Variants in EHMT1 observed in about 807,000 individuals in gnomAD.
The protein encoded by EHMT1 is euchromatic histone lysine methyltransferase 1.
In EHMT1, 15 loss-of-function variants were observed where a neutral mutation model predicts 147.2. That is an observed-to-expected ratio of 0.10 (90% confidence interval 0.07 to 0.16). The LOEUF is 0.16. Ranked by LOEUF, EHMT1 falls within the 10% of genes least tolerant of loss-of-function variation. The pLI is 1.00. For synonymous variants in EHMT1, 795 were observed against 709.6 expected, an observed-to-expected ratio of 1.12 and a Z score of -1.91; for missense variants, 1,587 against 1,772.4, an observed-to-expected ratio of 0.90 and a Z score of 1.88.
At chr9:137,698,138 G>A (rs181504420) in intron 1 of EHMT1, among the ~76,000 whole-genome samples, 38 of 152,362 alleles carry the variant, frequency 2.5e-4, no homozygotes, top group Non-Finnish European at 7.3e-5. Context: ...GTGTGGAAAC[G>A]GAGGCCACTG....
At chr9:137,717,605 C>CAAA (rs1163785484) in intron 3 of EHMT1, among the ~76,000 whole-genome samples, 1,827 of 69,474 alleles carry the variant, frequency 0.026, 43 homozygotes, top group Non-Finnish European at 0.035. Context: ...GACCCTGTCT[C>CAAA]AAAAAAAAAA....
intron 23 of EHMT1, 191 bp downstream of exon 23, chr9:137,816,253 T>C: frequency 1.5e-6 from 1 of 652,094 alleles, no homozygotes; most frequent in South Asian, 1.7e-5. Flanking sequence ...TCACGAGTCA[T>C]GCTTCCCCCA....
intron 1 of EHMT1, among the ~76,000 whole-genome samples, chr9:137,643,628 G>A (rs1216077194): frequency 2.0e-5 from 3 of 151,882 alleles, no homozygotes; most frequent in South Asian, 2.1e-4. Flanking sequence ...GATTACAGGC[G>A]TGAGCCACCG....
chr9:137,799,305 T>C (rs1209597046), intron 17 of EHMT1, among the ~76,000 whole-genome samples: 1 of 152,044 alleles, frequency 6.6e-6, no homozygotes, highest in Non-Finnish European at 1.5e-5. Flanking sequence ...GGCTGGAGGC[T>C]CCTCCCTTGC....
At chr9:137,651,215 C>T (rs780909551) in intron 1 of EHMT1, among the ~76,000 whole-genome samples, 4 of 152,158 alleles carry the variant, frequency 2.6e-5, no homozygotes, top group African/African-American at 4.8e-5. Flanking sequence ...TGTGTTTTCA[C>T]TTTCTTGATA....
chr9:137,834,086 A>G, intron 25 of EHMT1: 1 of 560,792 alleles, frequency 1.8e-6, no homozygotes, highest in South Asian at 2.0e-5. Context: ...GACGCCGTCA[A>G]GGGAACGGCC....
intron 1 of EHMT1, among the ~76,000 whole-genome samples, chr9:137,644,025 C>G (rs1844703068): frequency 6.6e-6 from 1 of 152,192 alleles, no homozygotes; most frequent in Admixed American, 6.5e-5. Flanking sequence ...AAAGGGACAG[C>G]ACTTGAGGGC....
intron 25 of EHMT1, among the ~76,000 whole-genome samples, chr9:137,833,343 G>A (rs1160960733): frequency 2.6e-5 from 4 of 152,322 alleles, no homozygotes; most frequent in Non-Finnish European, 2.9e-5. Flanking sequence ...CCACCCACCC[G>A]CAGCTCGCCA....
At chr9:137,663,567 C>T (rs1412822755) in intron 1 of EHMT1, among the ~76,000 whole-genome samples, 1 of 152,230 alleles carries the variant, frequency 6.6e-6, no homozygotes, top group East Asian at 1.9e-4. Flanking sequence ...CGTTTCTGCT[C>T]TCAATCTTAC....
At chr9:137,777,714 T>G (rs1195250793) in intron 12 of EHMT1, among the ~76,000 whole-genome samples, 168 bp from the exon 13 acceptor site, 1 of 152,224 alleles carries the variant, frequency 6.6e-6, no homozygotes, top group Non-Finnish European at 1.5e-5. Context: ...TGCCCTAGTT[T>G]TCTCAGGAAA....
chr9:137,743,782 T>C (rs1315833360), intron 5 of EHMT1, 120 bp from the exon 6 acceptor site: 2 of 1,292,736 alleles, frequency 1.5e-6, no homozygotes, highest in Non-Finnish European at 2.1e-6. Flanking sequence ...CCTCTTCGTG[T>C]GTCCCCGCCT....
rs371298490 is a variant in EHMT1 at position 137,762,663 on chromosome 9, G to A, written c.1502-12G>A. ...GGATTGCATGAGCTGACATGTGTCT[G>A]TGTGACGTTAGGGTTGGCCAACGGT... On this transcript the variant is annotated splice_polypyrimidine_tract_variant and intron_variant, in intron 9 of 26. Coordinates refer to ENST00000460843, the MANE Select transcript of EHMT1 (RefSeq NM_024757.5). The A allele has an allele frequency of 2.1e-5, 34 of 1,614,200 alleles. No homozygotes were observed. The highest frequency in any genetic ancestry group is 1.7e-4 in the Middle Eastern group (1 of 6,060).
At chr9:137,814,144 G>A in intron 21 of EHMT1, 1 of 465,958 alleles carries the variant, frequency 2.1e-6, no homozygotes, top group East Asian at 4.2e-5. Flanking sequence ...CACAAATGCA[G>A]CCGCCGCCCA....
intron 1 of EHMT1, among the ~76,000 whole-genome samples, chr9:137,643,910 G>C (rs1469150073): frequency 6.6e-6 from 1 of 152,198 alleles, no homozygotes; most frequent in African/African-American, 2.4e-5. Flanking sequence ...GGAACTTTGT[G>C]ATGAGTACTT....
intron 15 of EHMT1, 74 bp from the exon 16 acceptor site, chr9:137,790,774 C>G (rs1036929507): frequency 8.7e-6 from 14 of 1,610,748 alleles, no homozygotes; most frequent in Non-Finnish European, 9.3e-6. Flanking sequence ...AGTGTGGAAG[C>G]TTGTAAGTCA....
intron 4 of EHMT1, among the ~76,000 whole-genome samples, chr9:137,741,881 G>A (rs3123510): frequency 0.54 from 82,221 of 152,134 alleles, 25,330 homozygotes; most frequent in African/African-American, 0.84. Context: ...TGAGAGACTT[G>A]ACAGTTATCT....
In EHMT1 at chr9:137,741,143, A is replaced by T. The variant is rs1356743781; in HGVS notation, c.824-2228A>T. Among the ~76,000 whole-genome samples, 4 of 151,938 alleles carry T rather than the reference A, an allele frequency of 2.6e-5. No individual in the cohort carries two copies. In the East Asian group the frequency reaches 7.7e-4, roughly 29 times the overall value. On this transcript the variant is annotated intron_variant, in intron 4 of 26. Transcript: ENST00000460843. ...AGGCGCCCGCCACCTTGGCCGGCTA[A>T]TTTTTTATATTTTTAGTAGAGACGG...
chr9:137,781,125 A>ACGACGCCGAGACGTGTGG (rs1951461241), intron 14 of EHMT1, among the ~76,000 whole-genome samples: 1 of 3,960 alleles, frequency 2.5e-4, no homozygotes, highest in Non-Finnish European at 4.0e-4. Context: ...ATGTGTGGTG[A>ACGACGCCGAGACGTGTGG]TGACGGCATC....
At position 137,817,463 on chromosome 9, in the gene EHMT1, G is replaced by T. The variant is rs763737073; in HGVS notation, c.3399G>T (p.Thr1133=). 6.2e-7 allele frequency: 1 copy of T among 1,614,076 alleles called. No homozygotes were observed. The highest frequency in any genetic ancestry group is 1.3e-5 in the African/African-American group (1 of 74,934). Residue 1133 remains threonine, a synonymous_variant, in exon 24 of 27, where the codon ACG becomes ACT. Transcript: ENST00000460843. ...GLRARLQLYR[T]RDMGWGVRSL... is the part of the protein sequence containing the mutation. ...GGGCAAGGCTGCAGCTCTACCGGAC[G>T]CGGGACATGGGCTGGGGCGTGCGGT...
Sources: gnomAD v4.1 joint callset for allele counts (sites outside exome capture counted in the v4.1 genomes callset) on GRCh38, gnomAD v4.1.1 for gene constraint, MANE v1.5 for transcripts, NCBI Gene and HGNC (gene_info 2026-07-23, HGNC 2026-07-21) for gene names.